Variants in TAB2 observed in about 807,000 individuals in gnomAD.
TAB2 encodes TGF-beta activated kinase 1 (MAP3K7) binding protein 2, also known as TGF-beta-activated kinase 1 and MAP3K7-binding protein 2.
Under a neutral mutation model 65.0 loss-of-function variants are expected in TAB2, and 3 were observed. The ratio of observed to expected loss-of-function variants is 0.05; its 90% confidence interval spans 0.02 to 0.12. The LOEUF (loss-of-function observed/expected upper bound fraction) is 0.12. Ranked by LOEUF, TAB2 falls within the 10% of genes least tolerant of loss-of-function variation. The pLI is 1.00. For synonymous variants in TAB2, 298 were observed against 285.1 expected (o/e 1.05, Z -0.46); for missense variants, 623 against 840.3 (o/e 0.74, Z 3.20).
At chr6:149,265,563 C>A (rs186232293) in intron 1 of TAB2, among the ~76,000 whole-genome samples, 19 of 151,494 alleles carry the variant, frequency 1.3e-4, no homozygotes, top group Non-Finnish European at 2.1e-4. Context: ...GCCCCCACCT[C>A]CCCTGCAACC....
At chr6:149,335,867 G>A (rs865819180) in intron 1 of TAB2, among the ~76,000 whole-genome samples, 3 of 151,762 alleles carry the variant, frequency 2.0e-5, no homozygotes, top group African/African-American at 7.3e-5. Context: ...ATTTTATAGA[G>A]ATTTTACAAT....
At position 149,410,390 on chromosome 6, in the gene TAB2, T is replaced by A. The variant is rs1782810061; in HGVS notation, c.*671T>A. 6.5e-6 allele frequency: 1 copy of A among 152,812 alleles called. No homozygotes were observed. The highest frequency in any genetic ancestry group is 2.4e-5 in the African/African-American group (1 of 41,458). 9.5% of individuals were successfully genotyped at this position (152,812 alleles called of 1,614,324 possible). ...TCTCGAGTCTGCTTTAAGTGATTTC[T>A]TTTCTTCTTGATTATTTTCTTATAT... On this transcript the variant is annotated 3_prime_UTR_variant, in exon 7 of 7. Coordinates refer to ENST00000637181, the MANE Select transcript of TAB2 (RefSeq NM_001292034.3).
intron 1 of TAB2, among the ~76,000 whole-genome samples, chr6:149,348,057 ATAAT>A (rs1780361417): frequency 2.6e-5 from 4 of 152,200 alleles, no homozygotes; most frequent in Non-Finnish European, 4.4e-5. Context: ...TGGCAGTGTG[ATAAT>A]GCCAGCCAAT....
intron 1 of TAB2, among the ~76,000 whole-genome samples, chr6:149,273,729 G>C (rs1778405121): frequency 6.6e-6 from 1 of 152,240 alleles, no homozygotes; most frequent in Admixed American, 6.5e-5. Flanking sequence ...GATTGGGATT[G>C]TGCCCCTACT....
chr6:149,340,782 A>C (rs1333879635), intron 1 of TAB2, among the ~76,000 whole-genome samples: 1 of 152,156 alleles, frequency 6.6e-6, no homozygotes, highest in Non-Finnish European at 1.5e-5. Flanking sequence ...TTTGAATAAG[A>C]CACTTCCATG....
At chr6:149,370,954 T>C (rs1188933011) in intron 2 of TAB2, among the ~76,000 whole-genome samples, 5 of 149,370 alleles carry the variant, frequency 3.3e-5, no homozygotes, top group Non-Finnish European at 5.9e-5. Flanking sequence ...TGGTCCCAGC[T>C]ACTCAGAAGA....
chr6:149,384,549 T>C (rs1312339119), intron 3 of TAB2, among the ~76,000 whole-genome samples: 1 of 152,158 alleles, frequency 6.6e-6, no homozygotes, highest in East Asian at 1.9e-4. Context: ...AAATTTTCAG[T>C]TTAAAGTTTA....
In TAB2 at chr6:149,242,279, C is replaced by T. The variant is rs141740960; in HGVS notation, c.-121+23503C>T. The stretch of plus-strand genomic sequence containing the variant: ...TCAAGTTTGATTAATTCTTTTTCCA[C>T]AGGAATATAATATCATAATACTCCC... On this transcript the variant is annotated intron_variant, in intron 1 of 1. Transcript: ENST00000606202. Among the ~76,000 whole-genome samples, 168 of 152,286 alleles carry T rather than the reference C, an allele frequency of 1.1e-3. 1 individual carries two copies. The highest frequency in any genetic ancestry group is 3.8e-3 in the African/African-American group (159 of 41,566).
chr6:149,269,953 A>C (rs1778329384), intron 1 of TAB2, among the ~76,000 whole-genome samples: 1 of 152,196 alleles, frequency 6.6e-6, no homozygotes, highest in Non-Finnish European at 1.5e-5. Context: ...ACGTGGGTAA[A>C]TACCTAGGAA....
chr6:149,264,571 C>T (rs895566632), intron 1 of TAB2, among the ~76,000 whole-genome samples: 1 of 152,058 alleles, frequency 6.6e-6, no homozygotes. Context: ...GGGTGTCCAC[C>T]ACCCGAGTAC....
Position 149,334,980 on chromosome 6 carries a change from G to A in TAB2, c.-90+16965G>A, listed in dbSNP as rs1346466832. On this transcript the variant is annotated intron_variant, in intron 1 of 6. Transcript: ENST00000637181. ...GACTTTAGGTTGCCAGCATGGTATT[G>A]TCAGGCTATTAGTTTACTTGTTCCA... Among the ~76,000 whole-genome samples the A allele has an allele frequency of 4.6e-5, 7 of 152,162 alleles. No homozygotes were observed. The East Asian group carries it at 1.3e-3, about 29-fold the overall frequency.
Position 149,253,903 on chromosome 6 carries a change from CAG to C in TAB2, c.-121+35135_-121+35136del, listed in dbSNP as rs931184360. Among the ~76,000 whole-genome samples, 16 of 142,012 alleles carry C rather than the reference CAG, an allele frequency of 1.1e-4. No individual in the cohort carries two copies. The Admixed American group carries it at 1.2e-3, about 11-fold the overall frequency. The allele number at this position is 142,012 out of a possible 152,430, so 93.2% of individuals were successfully genotyped here. On this transcript the variant is annotated intron_variant, in intron 1 of 1. Transcript: ENST00000606202. ...CACCACTGCCTTCCAGCCTGGGTGA[CAG>C]AGAGAGACTCCATCTCGAAAGAAAG...
chr6:149,397,859 T>C (rs1473085986), intron 4 of TAB2, 95 bp downstream of exon 4: 1 of 1,578,894 alleles, frequency 6.3e-7, no homozygotes, highest in African/African-American at 1.4e-5. Context: ...TCTTCAGATG[T>C]TCTTAACTCT....
intron 1 of TAB2, among the ~76,000 whole-genome samples, chr6:149,276,190 A>G (rs1393615076): frequency 6.6e-6 from 1 of 152,242 alleles, no homozygotes; most frequent in Non-Finnish European, 1.5e-5. Context: ...TTTATTTAAA[A>G]TATAGAAGGC....
intron 1 of TAB2, among the ~76,000 whole-genome samples, chr6:149,318,222 C>G (rs1250232929): frequency 6.6e-6 from 1 of 150,490 alleles, no homozygotes; most frequent in African/African-American, 2.4e-5. Flanking sequence ...GTCCCCCAGT[C>G]CGGTGGGGGT....
Position 149,411,308 on chromosome 6 carries a change from TGA to T in TAB2, c.*1590_*1591del, listed in dbSNP as rs1287003685. On this transcript the variant is annotated 3_prime_UTR_variant, in exon 7 of 7. Transcript: ENST00000637181. Reference sequence around the variant, plus strand: ...ATGGGATTATTACAGTTGATCTCTATGAATGTCAGAGCCCTAACTTTCAGGCT... The same window carrying T: ...ATGGGATTATTACAGTTGATCTCTATATGTCAGAGCCCTAACTTTCAGGCT... The T allele has an allele frequency of 1.3e-5, 2 of 152,508 alleles. No homozygotes were observed. The highest frequency in any genetic ancestry group is 2.9e-5 in the Non-Finnish European group (2 of 68,026). The allele number at this position is 152,508 out of a possible 1,614,324, so 9.4% of individuals were successfully genotyped here.
chr6:149,264,519 C>T (rs1387189787), intron 1 of TAB2, among the ~76,000 whole-genome samples: 1 of 152,102 alleles, frequency 6.6e-6, no homozygotes. Flanking sequence ...TAAAATGTTG[C>T]TTCATGTATA....
In TAB2 at chr6:149,410,958, A is replaced by G. The variant is rs1343893466; in HGVS notation, c.*1239A>G. On this transcript the variant is annotated 3_prime_UTR_variant, in exon 7 of 7. Coordinates refer to ENST00000637181, the MANE Select transcript of TAB2 (RefSeq NM_001292034.3). ...TTTCTAATCCTGACTTGGTGACAGT[A>G]TCATGTGTATTTATAAAACAAGGCT... is the stretch of plus-strand genomic sequence containing the variant. 1.3e-5 allele frequency: 2 copies of G among 152,558 alleles called. No individual in the cohort carries two copies. Among genetic ancestry groups the G allele is most frequent in the Non-Finnish European group, 2.9e-5 (2 of 68,014 alleles). 9.5% of individuals were successfully genotyped at this position (152,558 alleles called of 1,614,324 possible).
intron 1 of TAB2, among the ~76,000 whole-genome samples, chr6:149,319,751 T>G (rs532512883): frequency 6.6e-6 from 1 of 152,328 alleles, no homozygotes; most frequent in African/African-American, 2.4e-5. Context: ...CTGAATATAC[T>G]CCATTATTTC....
Sources: allele counts gnomAD v4.1 joint callset (sites outside exome capture counted in the v4.1 genomes callset), GRCh38; gene constraint gnomAD v4.1.1; transcripts MANE v1.5; gene names NCBI Gene and HGNC (gene_info 2026-07-23, HGNC 2026-07-21).